The following DNMT3A variants were observed in gnomAD, a reference collection of about 807,000 sequenced individuals.
The protein encoded by DNMT3A is DNA (cytosine-5)-methyltransferase 3A.
A neutral mutation model predicts 117.6 loss-of-function variants in DNMT3A; 267 were observed. That is an observed-to-expected ratio of 2.27 (90% CI 2.05 to 2.51). The LOEUF is 2.51. Ranked by LOEUF, DNMT3A falls within the 30% of genes most tolerant of loss-of-function variation. The pLI, the probability that DNMT3A is intolerant of heterozygous loss-of-function variation, is 0.00. For missense variants in DNMT3A, 1,029 were observed against 1,260.2 expected (o/e 0.82, Z 2.78); for synonymous variants, 432 against 474.8 (o/e 0.91, Z 1.17).
At chr2:25,323,456 A>G (rs1216830209) in intron 1 of DNMT3A, among the ~76,000 whole-genome samples, 1 of 152,184 alleles carries the variant, frequency 6.6e-6, no homozygotes, top group Non-Finnish European at 1.5e-5. Flanking sequence ...TGGGAGGCCA[A>G]CTGCGGGGTT....
rs1672937742 is a variant in DNMT3A, at chr2:25,232,772, TAAAAC to T, written c.*1502_*1506del. 5.2e-6 allele frequency: 1 copy of T among 193,536 alleles called. No individual in the cohort carries two copies. Among genetic ancestry groups the T allele is most frequent in the South Asian group, 1.9e-4 (1 of 5,158 alleles). The allele number at this position is 193,536 out of a possible 1,614,324, so 12.0% of individuals were successfully genotyped here. ...GTTTTTGTTTTCTTAAAGAAAATCT[TAAAAC>T]AAACATAATTATAACCAGAACCATA... On this transcript the variant is annotated 3_prime_UTR_variant, in exon 23 of 23. Transcript: ENST00000321117. This position sits in a 1 kb window ranked among gnomAD's most constrained non-coding sequence, Gnocchi z 4.1.
rs1184030185 is a variant in DNMT3A, at chr2:25,327,365, C to G, written c.-177-13204G>C. On this transcript the variant is annotated intron_variant, in intron 1 of 22. Transcript: ENST00000321117. This position sits in a 1 kb window ranked among gnomAD's most constrained non-coding sequence, Gnocchi z 4.1. ...TGGCCCTTGAGCTCAATTCAACATC[C>G]TGGCCAGCTAATCACTCCCTGCTTC... Among the ~76,000 whole-genome samples the G allele has an allele frequency of 6.6e-6, 1 of 152,180 alleles. No individual in the cohort carries two copies. The highest frequency in any genetic ancestry group is 2.4e-5 in the African/African-American group (1 of 41,442).
intron 1 of DNMT3A, chr2:25,314,433 G>T (rs1187330942): frequency 2.6e-5 from 26 of 985,160 alleles, no homozygotes; most frequent in Non-Finnish European, 3.0e-5. Flanking sequence ...AGCTGCCTCC[G>T]CCTCCTCCCT....
chr2:25,319,587 G>A (rs376395416), intron 1 of DNMT3A, among the ~76,000 whole-genome samples: 3 of 152,154 alleles, frequency 2.0e-5, no homozygotes, highest in Non-Finnish European at 2.9e-5. Context: ...AAAAGAGGCC[G>A]CATGCCAGTC....
In DNMT3A at chr2:25,294,697, T is replaced by C. The variant is rs1424426776; in HGVS notation, c.177+5442A>G. 2.6e-5 allele frequency among the ~76,000 whole-genome samples: 4 copies of C among 152,218 alleles called. No individual in the cohort carries two copies. Among genetic ancestry groups the C allele is most frequent in the African/African-American group, 9.7e-5 (4 of 41,448 alleles). On this transcript the variant is annotated intron_variant, in intron 3 of 22. Transcript: ENST00000321117. This position sits in a 1 kb window ranked among gnomAD's most constrained non-coding sequence, Gnocchi z 4.7. The stretch of plus-strand genomic sequence containing the variant: ...CAAACCTCCAAGAGCTGCCATAAGC[T>C]GTACCTAGCTGACTTTTGCCTGCAG...
chr2:25,261,233 G>A (rs1373478766), intron 6 of DNMT3A, among the ~76,000 whole-genome samples: 1 of 152,086 alleles, frequency 6.6e-6, no homozygotes, highest in Admixed American at 6.6e-5. Flanking sequence ...GAGCTCAGGA[G>A]TTTGAGACTA....
chr2:25,264,138 T>TTTTTTTTTTTTTTTTG (rs2029980863), intron 6 of DNMT3A, among the ~76,000 whole-genome samples: 1 of 127,800 alleles, frequency 7.8e-6, no homozygotes, highest in African/African-American at 3.0e-5. Context: ...TTTGGTTTTT[T>TTTTTTTTTTTTTTTTG]TTTTTTTTTT....
chr2:25,326,108 ATGTGTGTGTGTGTG>A (rs61521265), intron 1 of DNMT3A, among the ~76,000 whole-genome samples: 356 of 142,366 alleles, frequency 2.5e-3, no homozygotes, highest in African/African-American at 7.0e-3. Context: ...CTTGATATAT[ATGTGTGTGTGTGTG>A]TGTGTGTGTG....
At chr2:25,289,110 T>G (rs1313563062) in intron 3 of DNMT3A, among the ~76,000 whole-genome samples, 2 of 151,828 alleles carry the variant, frequency 1.3e-5, no homozygotes, top group African/African-American at 4.8e-5. Context: ...ATTTAACTTT[T>G]TTTTTTTTTT....
intron 13 of DNMT3A, 81 bp downstream of exon 13, chr2:25,245,172 C>T: frequency 7.3e-7 from 1 of 1,378,804 alleles, no homozygotes; most frequent in Non-Finnish European, 1.0e-6. Context: ...CCTGTACATG[C>T]CCAGAAGCGG....
At chr2:25,315,996 C>G (rs2034362706) in intron 1 of DNMT3A, among the ~76,000 whole-genome samples, 1 of 152,234 alleles carries the variant, frequency 6.6e-6, no homozygotes, top group Admixed American at 6.5e-5. Flanking sequence ...GCTTCCCCGG[C>G]CCTCAGTTTC....
intron 6 of DNMT3A, among the ~76,000 whole-genome samples, chr2:25,251,369 A>AG (rs1255983903): frequency 6.8e-6 from 1 of 146,302 alleles, no homozygotes; most frequent in African/African-American, 2.6e-5. Flanking sequence ...GCTCACCCCC[A>AG]GGGGGGCGGA....
intron 3 of DNMT3A, among the ~76,000 whole-genome samples, chr2:25,291,420 T>C (rs2032756435): frequency 6.6e-6 from 1 of 152,212 alleles, no homozygotes; most frequent in South Asian, 2.1e-4. Context: ...GCCTGCTCCA[T>C]GCCCACTCCA....
rs1217296152 is a variant in DNMT3A at position 25,286,392 on chromosome 2, G to A, written c.178-3681C>T. 5.3e-5 allele frequency among the ~76,000 whole-genome samples: 8 copies of A among 152,188 alleles called. 1 individual carries two copies. The South Asian group carries it at 8.3e-4, about 16-fold the overall frequency. Reference sequence around the variant, plus strand: ...CATGCTGGGCAGATGATGGGCGAGCGGGGCATGTTGCACATTTCCAGCCCC... The same window carrying A: ...CATGCTGGGCAGATGATGGGCGAGCAGGGCATGTTGCACATTTCCAGCCCC... On this transcript the variant is annotated intron_variant, in intron 3 of 22. Transcript: ENST00000321117. This position sits in a 1 kb window ranked among gnomAD's most constrained non-coding sequence, Gnocchi z 4.3.
Position 25,294,608 on chromosome 2 carries a change from G to A in DNMT3A, c.177+5531C>T, listed in dbSNP as rs1270608285. ...TGATCTGAAAACAAGCAGGGCTGCTGAGCTCTGTCTTAACTTGGAGAAGAA... is the reference window on the plus strand; with the variant it reads ...TGATCTGAAAACAAGCAGGGCTGCTAAGCTCTGTCTTAACTTGGAGAAGAA... On this transcript the variant is annotated intron_variant, in intron 3 of 22. Coordinates refer to ENST00000321117, the MANE Select transcript of DNMT3A (RefSeq NM_022552.5). This position sits in a 1 kb window ranked among gnomAD's most constrained non-coding sequence, Gnocchi z 4.7. 2.0e-5 allele frequency among the ~76,000 whole-genome samples: 3 copies of A among 152,244 alleles called. No homozygotes were observed. Among genetic ancestry groups the A allele is most frequent in the African/African-American group, 4.8e-5 (2 of 41,452 alleles).
chr2:25,287,242 C>A (rs1400851656), intron 3 of DNMT3A, among the ~76,000 whole-genome samples: 1 of 151,974 alleles, frequency 6.6e-6, no homozygotes, highest in African/African-American at 2.4e-5. Context: ...AAGGCACCAC[C>A]AGCAGGTGCA....
At position 25,233,150 on chromosome 2, in the gene DNMT3A, A is replaced by ACAAT. The variant is rs1672961833; in HGVS notation, c.*1125_*1128dup. The ACAAT allele has an allele frequency of 4.3e-6, 1 of 233,602 alleles. No individual in the cohort carries two copies. Among genetic ancestry groups the ACAAT allele is most frequent in the African/African-American group, 2.2e-5 (1 of 45,290 alleles). The allele number at this position is 233,602 out of a possible 1,614,324, so 14.5% of individuals were successfully genotyped here. ...TGCCGAGGGAGTCTCCTTTTAGAAA[A>ACAAT]CAATCAAAGGGTTATTGCATGAGTC... On this transcript the variant is annotated 3_prime_UTR_variant, in exon 23 of 23. Coordinates refer to ENST00000321117, the MANE Select transcript of DNMT3A (RefSeq NM_022552.5).
rs781742148 is a variant in DNMT3A at position 25,241,704 on chromosome 2, A to G, written c.1940T>C (p.Leu647Pro). The stretch of plus-strand genomic sequence containing the variant: ...AATGCCCAAGTCCTTCAGCACCAGG[A>G]GCCCTGCACCAGCCAGCAGACAGCA... Reference protein sequence around the residue: ...LSLFDGIATGLLVLKDLGIQV... With the variant: ...LSLFDGIATGPLVLKDLGIQV... The change falls in exon 17 of 23, where the codon CTC becomes CCC. Residue 647 changes from leucine (L) to proline (P), a missense_variant. Coordinates refer to ENST00000321117, the MANE Select transcript of DNMT3A (RefSeq NM_022552.5). The G allele has an allele frequency of 6.2e-7, 1 of 1,613,642 alleles. No homozygotes were observed. Among genetic ancestry groups the G allele is most frequent in the Non-Finnish European group, 8.5e-7 (1 of 1,179,836 alleles).
At chr2:25,321,671 C>T (rs1025962778) in intron 1 of DNMT3A, among the ~76,000 whole-genome samples, 1 of 152,214 alleles carries the variant, frequency 6.6e-6, no homozygotes, top group African/African-American at 2.4e-5. Flanking sequence ...GAGGCCAAGA[C>T]AGGAGGATCA....
Sources: gnomAD v4.1 joint callset for allele counts (sites outside exome capture counted in the v4.1 genomes callset) on GRCh38, gnomAD v4.1.1 for gene constraint, Gnocchi (gnomAD v3.1) non-coding constraint, MANE v1.5 for transcripts, NCBI Gene and HGNC (gene_info 2026-07-23, HGNC 2026-07-21) for gene names.